Variants in SHLD2 observed in about 807,000 individuals in gnomAD.
SHLD2 encodes the protein RINN1-REV7-interacting novel NHEJ regulator 2.
SHLD2 carries 30 observed loss-of-function variants against 73.2 expected under a neutral mutation model. That is an observed-to-expected ratio of 0.41 (90% CI 0.31 to 0.56). The LOEUF (loss-of-function observed/expected upper bound fraction) is 0.56, where lower values mean the gene tolerates loss of function less well. Ranked by LOEUF, SHLD2 falls within the 20% of genes least tolerant of loss-of-function variation. The probability of loss-of-function intolerance (pLI) is 0.28; values close to 1 mark genes in which losing one functional copy is unlikely to be tolerated. For missense variants in SHLD2, 745 were observed against 1,055.9 expected (o/e 0.71, Z 4.08); for synonymous variants, 285 against 370.1 (o/e 0.77, Z 2.64).
At chr10:87,141,512 T>G (rs1845196119) in intron 2 of SHLD2, among the ~76,000 whole-genome samples, 1 of 152,060 alleles carries the variant, frequency 6.6e-6, no homozygotes, top group African/African-American at 2.4e-5. Flanking sequence ...CAGCTAATTT[T>G]CATATTTTTA....
chr10:87,143,067 C>G (rs1187043025), intron 2 of SHLD2, among the ~76,000 whole-genome samples: 1 of 151,286 alleles, frequency 6.6e-6, no homozygotes, highest in African/African-American at 2.4e-5. Context: ...GTAGCTGGGA[C>G]TACAGGCACA....
intron 2 of SHLD2, among the ~76,000 whole-genome samples, chr10:87,098,741 G>A (rs1376310925): frequency 6.6e-6 from 1 of 152,064 alleles, no homozygotes; most frequent in African/African-American, 2.4e-5. Context: ...GATTGCTTTT[G>A]TAAAATATAC....
intron 2 of SHLD2, among the ~76,000 whole-genome samples, chr10:87,108,650 T>C (rs573605237): frequency 6.6e-6 from 1 of 152,336 alleles, no homozygotes; most frequent in Non-Finnish European, 1.5e-5. Flanking sequence ...CTGTTTCTAC[T>C]AGGTAATAGA....
In SHLD2 at chr10:87,146,224, A is replaced by G. The variant is rs918026751; in HGVS notation, c.-5-5126A>G. 3.3e-5 allele frequency among the ~76,000 whole-genome samples: 5 copies of G among 152,188 alleles called. No individual in the cohort carries two copies. In the South Asian group the frequency reaches 8.3e-4, roughly 25 times the overall value. ...TTCAACCCACAGCCTGTGGGGCTGC[A>G]TGTGGTCCAGGACGGCTTTAAATGC... is the stretch of plus-strand genomic sequence containing the variant. On this transcript the variant is annotated intron_variant, in intron 2 of 9. Transcript: ENST00000298786.
chr10:87,189,414 T>G (rs866312323), intron 9 of SHLD2, among the ~76,000 whole-genome samples: 2 of 152,270 alleles, frequency 1.3e-5, no homozygotes, highest in African/African-American at 4.8e-5. Context: ...AAAGTTGTAC[T>G]ACTTGGCATT....
intron 2 of SHLD2, among the ~76,000 whole-genome samples, chr10:87,097,282 C>T (rs1841960010): frequency 6.6e-6 from 1 of 152,118 alleles, no homozygotes; most frequent in South Asian, 2.1e-4. Context: ...GGAATTGGGC[C>T]TAAGGAGGTG....
chr10:87,163,890 C>G (rs1308990503), intron 4 of SHLD2, among the ~76,000 whole-genome samples: 1 of 151,804 alleles, frequency 6.6e-6, no homozygotes, highest in Non-Finnish European at 1.5e-5. Flanking sequence ...CAGTTACTCC[C>G]CAGTAATAAT....
chr10:87,128,364 C>G (rs1844187825), intron 2 of SHLD2, among the ~76,000 whole-genome samples: 1 of 152,192 alleles, frequency 6.6e-6, no homozygotes, highest in Non-Finnish European at 1.5e-5. Context: ...TCAAATTTCC[C>G]ATTTCCTTCA....
At chr10:87,175,554 C>G (rs981878896) in intron 6 of SHLD2, among the ~76,000 whole-genome samples, 2 of 151,210 alleles carry the variant, frequency 1.3e-5, no homozygotes, top group African/African-American at 4.9e-5. Flanking sequence ...AGTGGTGGCA[C>G]GCACCTGTAA....
chr10:87,131,700 A>T (rs1190167071), intron 2 of SHLD2, among the ~76,000 whole-genome samples: 3 of 151,992 alleles, frequency 2.0e-5, no homozygotes, highest in Non-Finnish European at 4.4e-5. Flanking sequence ...TGGGGTGAAC[A>T]TTTGTTTTTA....
At chr10:87,098,635 T>C (rs993805106) in intron 2 of SHLD2, among the ~76,000 whole-genome samples, 4 of 152,238 alleles carry the variant, frequency 2.6e-5, no homozygotes, top group African/African-American at 9.6e-5. Context: ...TTATACTATT[T>C]ATACTATTCC....
intron 2 of SHLD2, among the ~76,000 whole-genome samples, chr10:87,100,926 T>C (rs1564574317): frequency 6.6e-6 from 1 of 152,236 alleles, no homozygotes; most frequent in Non-Finnish European, 1.5e-5. Flanking sequence ...TTGATAGGGA[T>C]TATGTTGAAT....
At chr10:87,150,445 A>G (rs1845931781) in intron 2 of SHLD2, among the ~76,000 whole-genome samples, 1 of 151,876 alleles carries the variant, frequency 6.6e-6, no homozygotes, top group East Asian at 2.0e-4. Flanking sequence ...TGTTATTTAA[A>G]TGGGGCAAGT....
intron 2 of SHLD2, among the ~76,000 whole-genome samples, chr10:87,144,599 G>A (rs1284643908): frequency 2.8e-5 from 4 of 145,176 alleles, no homozygotes; most frequent in African/African-American, 1.0e-4. Context: ...AGTAAATTTA[G>A]GTACAAGCAT....
At chr10:87,160,244 T>C (rs913598187) in intron 4 of SHLD2, among the ~76,000 whole-genome samples, 1 of 152,140 alleles carries the variant, frequency 6.6e-6, no homozygotes, top group African/African-American at 2.4e-5. Flanking sequence ...CCCAGCACTT[T>C]GGGTGGCTGA....
intron 2 of SHLD2, among the ~76,000 whole-genome samples, chr10:87,110,391 C>G (rs1362739568): frequency 6.6e-6 from 1 of 152,102 alleles, no homozygotes; most frequent in South Asian, 2.1e-4. Flanking sequence ...GGGCGGATCA[C>G]AAGGTCAAGA....
intron 3 of SHLD2, chr10:87,154,382 TA>T (rs201367515): frequency 0.65 from 95,096 of 145,936 alleles, 31,663 homozygotes; most frequent in Middle Eastern, 0.86. Flanking sequence ...GAATATTTAA[TA>T]TTTTTTTTTT....
At chr10:87,112,663 A>AATG (rs1371916989) in intron 2 of SHLD2, among the ~76,000 whole-genome samples, 1 of 151,630 alleles carries the variant, frequency 6.6e-6, no homozygotes, top group Non-Finnish European at 1.5e-5. Context: ...TAATAATAAT[A>AATG]ATAGAGATAC....
At position 87,095,866 on chromosome 10, in the gene SHLD2, G is replaced by GGCTGCAGTGAGCTACGATA. The variant is rs1383477027; in HGVS notation, c.-62+622_-62+640dup. Among the ~76,000 whole-genome samples the GGCTGCAGTGAGCTACGATA allele has an allele frequency of 6.6e-5, 10 of 152,234 alleles. No individual in the cohort carries two copies. The South Asian group carries it at 1.0e-3, about 16-fold the overall frequency. On this transcript the variant is annotated intron_variant, in intron 1 of 9. Coordinates refer to ENST00000298786, the MANE Select transcript of SHLD2 (RefSeq NM_001330112.2). ...GGATGGCTTGAGCCCAGGAGTTCGAGGCTGCAGTGAGCTACGATAGCTCCA... is the reference window on the plus strand; with the variant it reads ...GGATGGCTTGAGCCCAGGAGTTCGAGGCTGCAGTGAGCTACGATAGCTGCAGTGAGCTACGATAGCTCCA...
Sources: allele counts gnomAD v4.1 joint callset (sites outside exome capture counted in the v4.1 genomes callset), GRCh38; gene constraint gnomAD v4.1.1; transcripts MANE v1.5; gene names NCBI Gene and HGNC (gene_info 2026-07-23, HGNC 2026-07-21).